MTHFD2L: variants seen among roughly 807,000 people sequenced by gnomAD.
The protein encoded by MTHFD2L is methylenetetrahydrofolate dehydrogenase (NADP+ dependent) 2 like.
MTHFD2L carries 29 observed loss-of-function variants against 34.9 expected under a neutral mutation model. The observed-to-expected ratio is 0.83, with a 90% confidence interval of 0.62 to 1.13. The LOEUF (loss-of-function observed/expected upper bound fraction) is 1.13. Among genes scored for constraint, MTHFD2L ranks in the 50% most tolerant of loss-of-function variants. MTHFD2L has a pLI of 0.00. For synonymous variants in MTHFD2L, 167 were observed against 155.7 expected (o/e 1.07, Z -0.54); for missense variants, 481 against 446.5 (o/e 1.08, Z -0.70).
At chr4:74,237,946 T>G (rs1741091262) in intron 6 of MTHFD2L, among the ~76,000 whole-genome samples, 1 of 152,204 alleles carries the variant, frequency 6.6e-6, no homozygotes, top group African/African-American at 2.4e-5. Flanking sequence ...TTTCTGTAGG[T>G]GAAGTCGTCA....
intron 6 of MTHFD2L, among the ~76,000 whole-genome samples, chr4:74,256,183 A>G (rs927465476): frequency 9.2e-5 from 14 of 152,114 alleles, no homozygotes; most frequent in Admixed American, 4.6e-4. Flanking sequence ...TTTTTTCATA[A>G]TAGCCATTCT....
chr4:74,187,850 C>T (rs530057998), intron 3 of MTHFD2L, among the ~76,000 whole-genome samples: 3 of 147,536 alleles, frequency 2.0e-5, no homozygotes, highest in Non-Finnish European at 4.4e-5. Context: ...TCCAGCCATT[C>T]CGTGCCTGTG....
chr4:74,205,957 T>G (rs1735223899), intron 5 of MTHFD2L, among the ~76,000 whole-genome samples: 1 of 152,006 alleles, frequency 6.6e-6, no homozygotes, highest in African/African-American at 2.4e-5. Flanking sequence ...CATGGCTAAT[T>G]GAGGTGACAT....
intron 7 of MTHFD2L, 51 bp downstream of exon 7, chr4:74,281,601 T>G (rs1356747201): frequency 1.4e-5 from 22 of 1,529,798 alleles, no homozygotes; most frequent in Non-Finnish European, 1.8e-5. Context: ...AAATTCCACC[T>G]TACGTATTTT....
intron 6 of MTHFD2L, among the ~76,000 whole-genome samples, chr4:74,234,261 C>T (rs1740516655): frequency 6.6e-6 from 1 of 151,878 alleles, no homozygotes; most frequent in African/African-American, 2.4e-5. Context: ...CTTAAATATA[C>T]CCAAAAGTGT....
At chr4:74,116,258 A>T (rs1721653765) in intron 2 of MTHFD2L, among the ~76,000 whole-genome samples, 1 of 152,214 alleles carries the variant, frequency 6.6e-6, no homozygotes, top group East Asian at 1.9e-4. Context: ...TCACACCAGG[A>T]TGGCTAGTAA....
At chr4:74,171,763 A>G (rs1728046733) in intron 1 of MTHFD2L, among the ~76,000 whole-genome samples, 1 of 152,208 alleles carries the variant, frequency 6.6e-6, no homozygotes, top group African/African-American at 2.4e-5. Context: ...AGATCTTGCC[A>G]CTGAACTGCA....
At chr4:74,287,533 G>C (rs1445576006) in intron 7 of MTHFD2L, among the ~76,000 whole-genome samples, 1 of 152,090 alleles carries the variant, frequency 6.6e-6, no homozygotes, top group Admixed American at 6.6e-5. Flanking sequence ...GATCACTTGA[G>C]GTCAGGAGTT....
intron 6 of MTHFD2L, among the ~76,000 whole-genome samples, chr4:74,278,949 T>G (rs1178013249): frequency 5.3e-5 from 8 of 152,092 alleles, no homozygotes; most frequent in Admixed American, 5.2e-4. Flanking sequence ...GGTCGACAGT[T>G]TTCTAATATG....
intron 3 of MTHFD2L, among the ~76,000 whole-genome samples, chr4:74,179,660 T>C (rs1729743637): frequency 6.6e-6 from 1 of 152,096 alleles, no homozygotes; most frequent in Admixed American, 6.6e-5. Context: ...ATACTACATA[T>C]TGGGAACATA....
At chr4:74,238,298 G>A (rs1476152664) in intron 6 of MTHFD2L, among the ~76,000 whole-genome samples, 1 of 152,136 alleles carries the variant, frequency 6.6e-6, no homozygotes, top group African/African-American at 2.4e-5. Flanking sequence ...GTATATATCT[G>A]TGGTGCGTTC....
At chr4:74,225,892 G>T (rs1216494306) in intron 6 of MTHFD2L, among the ~76,000 whole-genome samples, 1 of 152,076 alleles carries the variant, frequency 6.6e-6, no homozygotes, top group Non-Finnish European at 1.5e-5. Flanking sequence ...CCAAAGGAGA[G>T]TATCTAGGAT....
chr4:74,299,633 T>A (rs1750047313), intron 7 of MTHFD2L, among the ~76,000 whole-genome samples: 1 of 152,060 alleles, frequency 6.6e-6, no homozygotes, highest in Non-Finnish European at 1.5e-5. Context: ...ATTGTTTACA[T>A]CCAGTGAAAA....
chr4:74,136,469 T>C (rs1251264636), intron 1 of MTHFD2L, among the ~76,000 whole-genome samples: 1 of 151,946 alleles, frequency 6.6e-6, no homozygotes, highest in African/African-American at 2.4e-5. Context: ...GTGAAAGAAA[T>C]AGAAGAAAGC....
intron 6 of MTHFD2L, among the ~76,000 whole-genome samples, chr4:74,227,577 C>G (rs2110128928): frequency 6.6e-6 from 1 of 151,866 alleles, no homozygotes; most frequent in Non-Finnish European, 1.5e-5. Context: ...TTCCAGAACA[C>G]AGGTCTTTGA....
chr4:74,239,534 T>C (rs1171349868), intron 6 of MTHFD2L, among the ~76,000 whole-genome samples: 3 of 151,706 alleles, frequency 2.0e-5, no homozygotes, highest in Non-Finnish European at 2.9e-5. Flanking sequence ...CTGAAGCACA[T>C]TTCCCCCACA....
At chr4:74,301,575 A>T in intron 7 of MTHFD2L, 122 bp from the exon 8 acceptor site, 2 of 571,822 alleles carry the variant, frequency 3.5e-6, no homozygotes, top group Non-Finnish European at 6.2e-6. Flanking sequence ...ATTACAGCCT[A>T]CTTGATTCTA....
chr4:74,235,923 A>G (rs936329510), intron 6 of MTHFD2L, among the ~76,000 whole-genome samples: 12 of 152,170 alleles, frequency 7.9e-5, no homozygotes, highest in African/African-American at 1.4e-4. Context: ...AATGTGCCAT[A>G]TAGTGGAGAC....
intron 6 of MTHFD2L, among the ~76,000 whole-genome samples, chr4:74,250,085 G>A (rs1391203937): frequency 6.6e-6 from 1 of 152,094 alleles, no homozygotes; most frequent in Non-Finnish European, 1.5e-5. Context: ...TTCCAACTTG[G>A]TTCCATTCTC....
Sources: gnomAD v4.1 joint callset for allele counts (sites outside exome capture counted in the v4.1 genomes callset) on GRCh38, gnomAD v4.1.1 for gene constraint, MANE v1.5 for transcripts, NCBI Gene and HGNC (gene_info 2026-07-23, HGNC 2026-07-21) for gene names.